The following AGTPBP1 variants were observed in gnomAD, a reference collection of about 807,000 sequenced individuals.
AGTPBP1 encodes ATP/GTP binding carboxypeptidase 1.
Under a neutral mutation model 143.9 loss-of-function variants are expected in AGTPBP1, and 70 were observed. That is an observed-to-expected ratio of 0.49 (90% CI 0.40 to 0.59). The LOEUF (loss-of-function observed/expected upper bound fraction) is 0.59, where lower values mean the gene tolerates loss of function less well. Among genes scored for constraint, AGTPBP1 ranks in the 20% least tolerant of loss-of-function variants. The pLI, the probability that AGTPBP1 is intolerant of heterozygous loss-of-function variation, is 0.00. For synonymous variants in AGTPBP1, 463 were observed against 500.2 expected, an observed-to-expected ratio of 0.93 and a Z score of 0.99; for missense variants, 1,229 against 1,464.5, an observed-to-expected ratio of 0.84 and a Z score of 2.62.
chr9:85,585,349 C>A, intron 23 of AGTPBP1, 114 bp downstream of exon 23: 1 of 1,122,108 alleles, frequency 8.9e-7, no homozygotes, highest in Non-Finnish European at 1.2e-6. Flanking sequence ...AAATCTGAAA[C>A]AAAAATGGCA....
chr9:85,653,983 T>C (rs1014996220), intron 11 of AGTPBP1, among the ~76,000 whole-genome samples: 7 of 152,220 alleles, frequency 4.6e-5, no homozygotes. Flanking sequence ...AAATAATCCA[T>C]TTTGATATGT....
the AGTPBP1 span, chr9:85,786,495 G>A: frequency 1.2e-6 from 2 of 1,613,792 alleles, no homozygotes; most frequent in Non-Finnish European, 1.7e-6. Context: ...CTATCATTGC[G>A]ACGTTCCAGT....
intron 1 of AGTPBP1, among the ~76,000 whole-genome samples, chr9:85,719,953 T>C (rs1006576898): frequency 1.1e-4 from 16 of 152,226 alleles, no homozygotes; most frequent in African/African-American, 3.4e-4. Context: ...GTTTATGTGA[T>C]GGATTATGTT....
chr9:85,627,781 ATT>A (rs1433892208), intron 14 of AGTPBP1, among the ~76,000 whole-genome samples: 1 of 152,142 alleles, frequency 6.6e-6, no homozygotes, highest in Non-Finnish European at 1.5e-5. Context: ...TAGTAAACAT[ATT>A]TTCTGTTCCT....
At chr9:85,688,708 T>C (rs2134229969) in intron 3 of AGTPBP1, among the ~76,000 whole-genome samples, 2 of 152,360 alleles carry the variant, frequency 1.3e-5, no homozygotes, top group Middle Eastern at 3.4e-3. Flanking sequence ...AATAATTCAC[T>C]GTACATAAGT....
In AGTPBP1 at chr9:85,669,014, T is replaced by C. The variant is rs370640800; in HGVS notation, c.662+471A>G. The stretch of plus-strand genomic sequence containing the variant: ...GTGTGTGTGTGTGTGTGTGTATACA[T>C]ACACACACACACACACACACACACA... On this transcript the variant is annotated intron_variant, in intron 8 of 25. Transcript: ENST00000357081. Among the ~76,000 whole-genome samples, 435 of 120,536 alleles carry C rather than the reference T, an allele frequency of 3.6e-3. 3 individuals carry two copies. The highest frequency in any genetic ancestry group is 0.012 in the African/African-American group (389 of 32,972). The allele number at this position is 120,536 out of a possible 152,430, so 79.1% of individuals were successfully genotyped here.
chr9:85,616,218 T>C (rs887998696), intron 17 of AGTPBP1, among the ~76,000 whole-genome samples: 4 of 151,994 alleles, frequency 2.6e-5, no homozygotes, highest in South Asian at 2.1e-4. Context: ...ATTCACTACA[T>C]AGTGAGTTTG....
chr9:85,592,067 GA>G (rs761725316), intron 19 of AGTPBP1, among the ~76,000 whole-genome samples: 27 of 151,944 alleles, frequency 1.8e-4, no homozygotes, highest in Non-Finnish European at 3.4e-4. Flanking sequence ...ATTTCCTTCA[GA>G]AAAAGATCTC....
chr9:85,636,065 T>C (rs1366414141), intron 13 of AGTPBP1, among the ~76,000 whole-genome samples: 2 of 151,806 alleles, frequency 1.3e-5, no homozygotes, highest in Non-Finnish European at 2.9e-5. Flanking sequence ...AATTTCCACA[T>C]ACAAACTTAT....
the AGTPBP1 span, among the ~76,000 whole-genome samples, chr9:85,788,416 T>A: frequency 2.0e-5 from 3 of 149,660 alleles, no homozygotes; most frequent in Non-Finnish European, 4.4e-5. Context: ...TTCATATATA[T>A]ATATATACAC....
At chr9:85,646,468 T>C (rs775406542) in intron 11 of AGTPBP1, 50 bp from the exon 12 acceptor site, 1 of 1,239,284 alleles carries the variant, frequency 8.1e-7, no homozygotes, top group Non-Finnish European at 1.2e-6. Flanking sequence ...CATTCTACAA[T>C]ATGCATAGCC....
chr9:85,654,992 A>T, intron 11 of AGTPBP1, 151 bp downstream of exon 11: 1 of 689,988 alleles, frequency 1.4e-6, no homozygotes, highest in Non-Finnish European at 2.2e-6. Flanking sequence ...TCTTACATTT[A>T]AAGAAATGCT....
chr9:85,782,692 C>T, the AGTPBP1 span, among the ~76,000 whole-genome samples: 16 of 152,152 alleles, frequency 1.1e-4, no homozygotes, highest in Non-Finnish European at 2.1e-4. Context: ...AACTATAACA[C>T]AGTCTAATGT....
chr9:85,749,602 G>A, the AGTPBP1 span, among the ~76,000 whole-genome samples: 1 of 152,074 alleles, frequency 6.6e-6, no homozygotes, highest in Non-Finnish European at 1.5e-5. Context: ...TCCATGGATA[G>A]GCTTTGAAGA....
At chr9:85,755,471 G>A in the AGTPBP1 span, among the ~76,000 whole-genome samples, 1 of 151,908 alleles carries the variant, frequency 6.6e-6, no homozygotes, top group South Asian at 2.1e-4. Flanking sequence ...ATTATTTGAG[G>A]TTGACAAGCT....
intron 17 of AGTPBP1, among the ~76,000 whole-genome samples, chr9:85,598,166 C>T (rs1829419820): frequency 6.6e-6 from 1 of 150,504 alleles, no homozygotes; most frequent in South Asian, 2.1e-4. Context: ...TTTGGTATTT[C>T]TCTCTCTCTC....
At chr9:85,775,240 C>A in the AGTPBP1 span, among the ~76,000 whole-genome samples, 1 of 151,878 alleles carries the variant, frequency 6.6e-6, no homozygotes, top group Non-Finnish European at 1.5e-5. Flanking sequence ...AGAGGTTGAG[C>A]CTGCAGTGGC....
intron 2 of AGTPBP1, among the ~76,000 whole-genome samples, chr9:85,698,850 G>GT (rs1343354945): frequency 1.3e-5 from 2 of 151,446 alleles, no homozygotes; most frequent in Non-Finnish European, 2.9e-5. Context: ...CTGCAACCAC[G>GT]CCCAGCTCAT....
intron 25 of AGTPBP1, among the ~76,000 whole-genome samples, chr9:85,560,352 T>A (rs1006428677): frequency 2.0e-5 from 3 of 152,062 alleles, no homozygotes; most frequent in African/African-American, 4.8e-5. Flanking sequence ...TAAAGAGGAG[T>A]TAGACCTTCA....
Sources: gnomAD v4.1 joint callset for allele counts (sites outside exome capture counted in the v4.1 genomes callset) on GRCh38, gnomAD v4.1.1 for gene constraint, MANE v1.5 for transcripts, NCBI Gene and HGNC (gene_info 2026-07-23, HGNC 2026-07-21) for gene names.